DHX15: variants seen among roughly 807,000 people sequenced by gnomAD.
DHX15 encodes the protein ATP-dependent RNA helicase DHX15.
Under a neutral mutation model 94.4 loss-of-function variants are expected in DHX15, and 11 were observed. The observed-to-expected ratio is 0.12, with a 90% CI of 0.07 to 0.19. DHX15 has a LOEUF of 0.19. Among genes scored for constraint, DHX15 ranks in the 10% least tolerant of loss-of-function variants. DHX15 has a pLI of 1.00. For missense variants in DHX15, 304 were observed against 988.5 expected, an observed-to-expected ratio of 0.31 and a Z score of 9.29; for synonymous variants, 338 against 329.9, an observed-to-expected ratio of 1.02 and a Z score of -0.27.
chr4:24,549,756 GTGTT>G (rs1327790525), intron 5 of DHX15, among the ~76,000 whole-genome samples: 1 of 152,096 alleles, frequency 6.6e-6, no homozygotes, highest in Non-Finnish European at 1.5e-5. Context: ...ACAATGGGAA[GTGTT>G]TGTTCATCTA....
intron 3 of DHX15, among the ~76,000 whole-genome samples, chr4:24,565,195 AAG>A (rs1721966211): frequency 1.3e-5 from 2 of 152,230 alleles, no homozygotes; most frequent in Admixed American, 1.3e-4. Flanking sequence ...TGTATAAACA[AAG>A]AGAGCCTTCT....
chr4:24,535,982 C>G lies in DHX15; in HGVS notation c.1909+1069G>C, dbSNP rs964584423. 1.3e-5 allele frequency among the ~76,000 whole-genome samples: 2 copies of G among 152,104 alleles called. 1 individual carries two copies. The highest frequency in any genetic ancestry group is 1.3e-4 in the Admixed American group (2 of 15,288). On this transcript the variant is annotated intron_variant, in intron 11 of 13. Transcript: ENST00000336812. ...GTGACAGAATTCCACATTTTTGGCA[C>G]AGGGTGATGATGTAGGGCTATCAGT...
chr4:24,538,608 T>C (rs1721240899), intron 10 of DHX15: 1 of 152,182 alleles, frequency 6.6e-6, no homozygotes, highest in South Asian at 2.1e-4. Flanking sequence ...CCCTGACTTC[T>C]TACTTGCCTC....
intron 3 of DHX15, among the ~76,000 whole-genome samples, chr4:24,569,062 CA>C (rs762140061): frequency 2.8e-4 from 43 of 152,192 alleles, no homozygotes; most frequent in Non-Finnish European, 1.3e-4. Context: ...AAAACTGACA[CA>C]AATGTTGAAT....
rs1721034566 is a variant in DHX15, at chr4:24,529,606, T to C, written c.2265A>G (p.Pro755=). The C allele has an allele frequency of 6.2e-7, 1 of 1,614,000 alleles. No homozygotes were observed. The change falls in exon 13 of 14, where the codon CCA becomes CCG. Residue 755 remains proline, a synonymous_variant. Coordinates refer to ENST00000336812, the MANE Select transcript of DHX15 (RefSeq NM_001358.3). ...NYIRTCTDIK[P]EWLVKIAPQY... ...AGAACAAAAGGTGTACTTACCATTC[T>C]GGCTTGATATCTGTACATGTCCGGA... is the stretch of plus-strand genomic sequence containing the variant.
chr4:24,546,493 A>C (rs1474281601), intron 6 of DHX15, among the ~76,000 whole-genome samples: 1 of 152,216 alleles, frequency 6.6e-6, no homozygotes, highest in Non-Finnish European at 1.5e-5. Context: ...CTGAAGAGTA[A>C]ACTTGAATGC....
At chr4:24,533,643 T>A (rs1721135208) in intron 11 of DHX15, 1 of 153,830 alleles carries the variant, frequency 6.5e-6, no homozygotes. Context: ...TTCAAGTAAT[T>A]TTATTACATG....
At chr4:24,583,444 A>G (rs1249037185) in intron 1 of DHX15, among the ~76,000 whole-genome samples, 11 of 151,956 alleles carry the variant, frequency 7.2e-5, no homozygotes, top group African/African-American at 2.2e-4. Context: ...TTATGAAGAA[A>G]AGTGGGACAT....
intron 12 of DHX15, among the ~76,000 whole-genome samples, chr4:24,532,448 T>C (rs1003951501): frequency 2.6e-5 from 4 of 152,218 alleles, no homozygotes; most frequent in Non-Finnish European, 5.9e-5. Flanking sequence ...GCTCAATTGC[T>C]TCCTTTTAGT....
chr4:24,536,886 G>T (rs971205018), intron 11 of DHX15, among the ~76,000 whole-genome samples, 165 bp downstream of exon 11: 1 of 152,138 alleles, frequency 6.6e-6, no homozygotes, highest in African/African-American at 2.4e-5. Flanking sequence ...CTTTGAAAAA[G>T]ATTGGCAATT....
At chr4:24,583,690 G>GTA (rs1435039774) in intron 1 of DHX15, among the ~76,000 whole-genome samples, 3 of 152,018 alleles carry the variant, frequency 2.0e-5, no homozygotes, top group Admixed American at 6.6e-5. Context: ...AGCCCATCAG[G>GTA]TATATTACTC....
intron 10 of DHX15, chr4:24,538,733 A>G (rs1721246526): frequency 7.1e-6 from 1 of 140,892 alleles, no homozygotes; most frequent in African/African-American, 2.4e-5. Flanking sequence ...ATAAATAAAA[A>G]TAAGTTTTTT....
At chr4:24,573,578 A>G (rs1722171508) in intron 2 of DHX15, among the ~76,000 whole-genome samples, 1 of 151,310 alleles carries the variant, frequency 6.6e-6, no homozygotes, top group Non-Finnish European at 1.5e-5. Context: ...GAGCTCTTAC[A>G]TGGTGTATCA....
At chr4:24,555,350 A>G (rs1374852879) in intron 4 of DHX15, among the ~76,000 whole-genome samples, 1 of 152,032 alleles carries the variant, frequency 6.6e-6, no homozygotes, top group Non-Finnish European at 1.5e-5. Flanking sequence ...AGGTTCCTCC[A>G]TAAAAAGTTT....
At chr4:24,577,505 T>C (rs555142740) in intron 1 of DHX15, among the ~76,000 whole-genome samples, 85 of 152,172 alleles carry the variant, frequency 5.6e-4, no homozygotes, top group Non-Finnish European at 1.0e-3. Flanking sequence ...TATAAATCTA[T>C]GTACCTTGGT....
intron 6 of DHX15, among the ~76,000 whole-genome samples, chr4:24,548,195 T>C (rs1245823837): frequency 7.1e-6 from 1 of 139,920 alleles, no homozygotes; most frequent in Non-Finnish European, 1.5e-5. Context: ...CAGGCTGGAG[T>C]GCAGTGTTGC....
chr4:24,559,218 A>C (rs1721809131), intron 3 of DHX15, among the ~76,000 whole-genome samples: 1 of 151,974 alleles, frequency 6.6e-6, no homozygotes, highest in African/African-American at 2.4e-5. Context: ...AAGCCAAGGA[A>C]TGCTAAGGAC....
intron 1 of DHX15, among the ~76,000 whole-genome samples, chr4:24,577,159 T>A (rs933034759): frequency 6.6e-6 from 1 of 152,194 alleles, no homozygotes; most frequent in African/African-American, 2.4e-5. Flanking sequence ...ATCATTACAG[T>A]CAACAGTGGT....
intron 6 of DHX15, among the ~76,000 whole-genome samples, chr4:24,547,933 ATATATATATCTATATCTATATC>A (rs1721479929): frequency 1.8e-4 from 6 of 33,642 alleles, no homozygotes; most frequent in Admixed American, 1.0e-3. Flanking sequence ...ATATATATAT[ATATATATATCTATATCTATATC>A]TATATCTATC....
Sources: gnomAD v4.1 joint callset for allele counts (sites outside exome capture counted in the v4.1 genomes callset) on GRCh38, gnomAD v4.1.1 for gene constraint, MANE v1.5 for transcripts, NCBI Gene and HGNC (gene_info 2026-07-23, HGNC 2026-07-21) for gene names.